Variants in GPRC6A observed in about 807,000 individuals in gnomAD.
GPRC6A encodes the protein G protein-coupled receptor class C group 6 member A, also known as G protein-coupled receptor family C group 6 member A.
GPRC6A carries 54 observed loss-of-function variants against 47.0 expected under a neutral mutation model. The ratio of observed to expected loss-of-function variants is 1.15; its 90% CI spans 0.92 to 1.44. GPRC6A has a LOEUF of 1.44. GPRC6A is among the 40% of genes most tolerant of loss of function. The pLI, the probability that GPRC6A is intolerant of heterozygous loss-of-function variation, is 0.00. For missense variants in GPRC6A, 1,112 were observed against 1,105.5 expected, an observed-to-expected ratio of 1.01 and a Z score of -0.08; for synonymous variants, 347 against 377.1, an observed-to-expected ratio of 0.92 and a Z score of 0.93.
chr6:116,813,332 G>A (rs1485774992), intron 1 of GPRC6A, among the ~76,000 whole-genome samples: 3 of 152,164 alleles, frequency 2.0e-5, no homozygotes, highest in African/African-American at 7.2e-5. Context: ...AAAGCTGGAG[G>A]CATTGTGCTA....
chr6:116,815,229 TC>T (rs1773168105), intron 1 of GPRC6A, among the ~76,000 whole-genome samples: 2 of 152,136 alleles, frequency 1.3e-5, no homozygotes, highest in Non-Finnish European at 2.9e-5. Flanking sequence ...ACCCCTGTAA[TC>T]CCAGCACTTT....
intron 3 of GPRC6A, among the ~76,000 whole-genome samples, chr6:116,804,685 G>A (rs1157443804): frequency 6.6e-6 from 1 of 151,992 alleles, no homozygotes; most frequent in African/African-American, 2.4e-5. Context: ...AAACATTTTA[G>A]GAGACTCTGC....
intron 1 of GPRC6A, among the ~76,000 whole-genome samples, chr6:116,819,681 C>G (rs1368287888): frequency 6.6e-6 from 1 of 152,074 alleles, no homozygotes; most frequent in Non-Finnish European, 1.5e-5. Flanking sequence ...ACACAACATA[C>G]CAGAGTCTCT....
chr6:116,822,754 A>C (rs1381589442), intron 1 of GPRC6A, among the ~76,000 whole-genome samples: 4 of 150,498 alleles, frequency 2.7e-5, no homozygotes, highest in African/African-American at 4.9e-5. Flanking sequence ...AGATATACCT[A>C]ATGCTAGATG....
chr6:116,817,666 C>G (rs1026165383), intron 1 of GPRC6A, among the ~76,000 whole-genome samples: 2 of 151,756 alleles, frequency 1.3e-5, no homozygotes, highest in African/African-American at 4.8e-5. Flanking sequence ...CTAGAATAAC[C>G]AATACAGAGA....
At position 116,809,487 on chromosome 6, in the gene GPRC6A, C is replaced by T. The variant is rs199585628; in HGVS notation, c.325G>A (p.Ala109Thr). The change falls in exon 2 of 6, where the codon GCA becomes ACA. Residue 109 changes from alanine (A) to threonine (T), a missense_variant. Physicochemically the swap from Ala to Thr is moderately conservative, Grantham distance 58. Transcript: ENST00000310357. The stretch of plus-strand genomic sequence containing the variant: ...AGAAACCTCAGAGTGGCTGCCATTG[C>T]CACTGTGACTTCTGTACAAGTGTCA... ...IYDTCTEVTV[A>T]MAATLRFLSK... 6.2e-7 allele frequency: 1 copy of T among 1,613,634 alleles called. No individual in the cohort carries two copies. Among genetic ancestry groups the T allele is most frequent in the African/African-American group, 1.3e-5 (1 of 75,006 alleles).
intron 1 of GPRC6A, among the ~76,000 whole-genome samples, chr6:116,810,897 C>T (rs1337553222): frequency 6.6e-6 from 1 of 152,144 alleles, no homozygotes; most frequent in Non-Finnish European, 1.5e-5. Context: ...TGCCATCATG[C>T]ATGCCACACA....
At chr6:116,812,140 C>T (rs1773045889) in intron 1 of GPRC6A, among the ~76,000 whole-genome samples, 2 of 152,014 alleles carry the variant, frequency 1.3e-5, no homozygotes, top group South Asian at 4.1e-4. Flanking sequence ...ATTTAGTCAC[C>T]TCTAAAGGAA....
intron 2 of GPRC6A, among the ~76,000 whole-genome samples, chr6:116,808,562 C>T (rs1772926767): frequency 6.6e-6 from 1 of 152,042 alleles, no homozygotes; most frequent in African/African-American, 2.4e-5. Flanking sequence ...ATTTACTCTA[C>T]CTCCAAAATG....
chr6:116,824,435 A>G (rs1348931625), intron 1 of GPRC6A, among the ~76,000 whole-genome samples: 1 of 152,068 alleles, frequency 6.6e-6, no homozygotes, highest in Non-Finnish European at 1.5e-5. Context: ...CCACAGAAAT[A>G]CAAAAGATTA....
intron 1 of GPRC6A, among the ~76,000 whole-genome samples, chr6:116,826,065 A>G (rs905471907): frequency 4.0e-5 from 6 of 151,850 alleles, no homozygotes; most frequent in Admixed American, 2.6e-4. Context: ...GAACTTAAAC[A>G]TAAGATCCCA....
intron 2 of GPRC6A, 152 bp from the exon 3 acceptor site, chr6:116,807,358 G>A (rs1210362960): frequency 1.3e-5 from 8 of 607,058 alleles, no homozygotes; most frequent in Non-Finnish European, 2.0e-5. Flanking sequence ...AGCCCCTGAT[G>A]ATGGTTTAGA....
At chr6:116,806,316 G>C in intron 3 of GPRC6A, 54 bp downstream of exon 3, 1 of 1,113,368 alleles carries the variant, frequency 9.0e-7, no homozygotes, top group Non-Finnish European at 1.3e-6. Flanking sequence ...AAACAAGGGA[G>C]GAAATGGGGA....
chr6:116,817,926 G>T (rs541785074), intron 1 of GPRC6A, among the ~76,000 whole-genome samples: 1 of 151,570 alleles, frequency 6.6e-6, no homozygotes, highest in Non-Finnish European at 1.5e-5. Flanking sequence ...GAAAGTGATG[G>T]GGAGAATGGA....
Position 116,792,962 on chromosome 6 carries a change from G to T in GPRC6A, c.1961C>A (p.Pro654Gln). ...FASTSFFIGE[P>Q]QDFTCKTRQT... ...CCTGGTTTTACATGTGAAGTCTTGT[G>T]GTTCTCCAATGAAAAAGCTCGTGCT... The change falls in exon 6 of 6, where the codon CCA (proline) becomes CAA (glutamine). Residue 654 changes from proline to glutamine, a missense_variant. Transcript: ENST00000310357. 1 of 1,614,038 alleles carries T rather than the reference G, an allele frequency of 6.2e-7. No individual in the cohort carries two copies. The highest frequency in any genetic ancestry group is 1.6e-4 in the Middle Eastern group (1 of 6,062).
intron 3 of GPRC6A, among the ~76,000 whole-genome samples, chr6:116,803,676 A>G (rs913097874): frequency 6.6e-6 from 1 of 152,112 alleles, no homozygotes. Context: ...GACTCCAGTC[A>G]TATGCCATGA....
chr6:116,818,532 T>TAAAAAAAAA (rs35974500), intron 1 of GPRC6A, among the ~76,000 whole-genome samples: 1 of 15,508 alleles, frequency 6.4e-5, no homozygotes, highest in East Asian at 1.1e-3. Context: ...AGACTCCGTC[T>TAAAAAAAAA]AAAAAAAAAA....
chr6:116,818,644 G>C (rs911906104), intron 1 of GPRC6A, among the ~76,000 whole-genome samples: 3 of 132,354 alleles, frequency 2.3e-5, no homozygotes, highest in Non-Finnish European at 4.7e-5. Context: ...ATACTTTACA[G>C]ACAAGCAAAT....
intron 3 of GPRC6A, among the ~76,000 whole-genome samples, chr6:116,803,282 TG>T (rs1772733575): frequency 6.6e-6 from 1 of 152,112 alleles, no homozygotes; most frequent in South Asian, 2.1e-4. Flanking sequence ...ATCTTATGTC[TG>T]ATTTACCAAA....
Sources: allele counts gnomAD v4.1 joint callset (sites outside exome capture counted in the v4.1 genomes callset), GRCh38; gene constraint gnomAD v4.1.1; transcripts MANE v1.5; gene names NCBI Gene and HGNC (gene_info 2026-07-23, HGNC 2026-07-21).